Variants in CPPED1 observed in about 807,000 individuals in gnomAD.
CPPED1 encodes serine/threonine-protein phosphatase CPPED1.
CPPED1 carries 28 observed loss-of-function variants against 28.0 expected under a neutral mutation model. The ratio of observed to expected loss-of-function variants is 1.00; its 90% confidence interval spans 0.74 to 1.37. CPPED1 has a LOEUF of 1.37. Among genes scored for constraint, CPPED1 ranks in the 40% most tolerant of loss-of-function variants. The pLI, the probability that CPPED1 is intolerant of heterozygous loss-of-function variation, is 0.00. For synonymous variants in CPPED1, 198 were observed against 180.2 expected (o/e 1.10, Z -0.79); for missense variants, 504 against 416.5 (o/e 1.21, Z -1.83).
intron 2 of CPPED1, among the ~76,000 whole-genome samples, chr16:12,722,597 G>A (rs899186484): frequency 1.3e-5 from 2 of 152,174 alleles, no homozygotes; most frequent in Admixed American, 6.5e-5. Context: ...TTAGTTAGGT[G>A]TGGTGGTGTG....
chr16:12,787,405 C>CTTTTT (rs57802112), intron 1 of CPPED1, among the ~76,000 whole-genome samples: 6 of 140,864 alleles, frequency 4.3e-5, no homozygotes, highest in Admixed American at 7.1e-5. Context: ...ATTTTTCTTT[C>CTTTTT]TTTTTTTTTT....
intron 3 of CPPED1, among the ~76,000 whole-genome samples, chr16:12,684,157 G>A (rs138728651): frequency 6.6e-6 from 1 of 152,296 alleles, no homozygotes; most frequent in African/African-American, 2.4e-5. Flanking sequence ...AACAAAACCT[G>A]CTCTGTTAGG....
intron 2 of CPPED1, among the ~76,000 whole-genome samples, chr16:12,778,282 T>TTA (rs1567304222): frequency 6.8e-6 from 1 of 146,818 alleles, no homozygotes; most frequent in African/African-American, 2.5e-5. Context: ...TCTTTCTTTT[T>TTA]TTTTTTTTTT....
rs1255414814 is a variant in CPPED1 at position 12,660,345 on chromosome 16, A to AT, written c.*4540_*4541insA. On this transcript the variant is annotated 3_prime_UTR_variant, in exon 4 of 4. Transcript: ENST00000381774. ...TTTAATCGACTTCATTTACATAGAT[A>AT]AAGCCTAAAGGAAAAATCCAATCTG... The AT allele has an allele frequency of 1.3e-5, 2 of 152,232 alleles. No homozygotes were observed. The highest frequency in any genetic ancestry group is 2.9e-5 in the Non-Finnish European group (2 of 68,040). 9.4% of individuals were successfully genotyped at this position (152,232 alleles called of 1,614,324 possible).
At chr16:12,683,088 C>G (rs1018649760) in intron 3 of CPPED1, among the ~76,000 whole-genome samples, 1 of 152,206 alleles carries the variant, frequency 6.6e-6, no homozygotes, top group African/African-American at 2.4e-5. Flanking sequence ...ATGAAATTTG[C>G]TAGGGAGAAA....
At chr16:12,719,496 G>A (rs952834040) in intron 2 of CPPED1, among the ~76,000 whole-genome samples, 3 of 152,062 alleles carry the variant, frequency 2.0e-5, no homozygotes, top group Admixed American at 2.0e-4. Flanking sequence ...AATATGCCTA[G>A]AAATGTCTCT....
intron 2 of CPPED1, among the ~76,000 whole-genome samples, chr16:12,731,117 G>T (rs964977715): frequency 6.6e-6 from 1 of 151,440 alleles, no homozygotes; most frequent in African/African-American, 2.4e-5. Context: ...AGACCAGCCT[G>T]GGCAACATAT....
chr16:12,688,501 G>C (rs2079945323), intron 3 of CPPED1, among the ~76,000 whole-genome samples: 1 of 151,988 alleles, frequency 6.6e-6, no homozygotes, highest in South Asian at 2.1e-4. Flanking sequence ...ACCACACCTG[G>C]CTAACTTTTG....
intron 2 of CPPED1, among the ~76,000 whole-genome samples, chr16:12,769,976 GCC>G (rs2080460584): frequency 2.6e-5 from 4 of 152,108 alleles, no homozygotes; most frequent in Admixed American, 2.0e-4. Context: ...ATTTAACTGA[GCC>G]TCTTTAAAAA....
At chr16:12,685,059 G>A (rs763291216) in intron 3 of CPPED1, among the ~76,000 whole-genome samples, 3 of 152,304 alleles carry the variant, frequency 2.0e-5, no homozygotes, top group South Asian at 4.1e-4. Context: ...ACAGTGGAAC[G>A]AGCACCGACT....
chr16:12,803,843 A>G lies in CPPED1; in HGVS notation c.-67T>C. 1 of 1,461,712 alleles carries G rather than the reference A, an allele frequency of 6.8e-7. No homozygotes were observed. Among genetic ancestry groups the G allele is most frequent in the Non-Finnish European group, 9.3e-7 (1 of 1,077,006 alleles). 90.5% of individuals were successfully genotyped at this position (1,461,712 alleles called of 1,614,324 possible). A position where few individuals can be genotyped will look rare whatever the true frequency, so the allele number is the denominator to read the frequency against. On this transcript the variant is annotated 5_prime_UTR_variant, in exon 1 of 4. Transcript: ENST00000381774. ...TGGAAGCCGCGCGACTTCACACAGA[A>G]CAACCGCTGGACCTGTCCCGCTTTG... is the stretch of plus-strand genomic sequence containing the variant.
rs555443416 is a variant in CPPED1 at position 12,673,283 on chromosome 16, C to G, written c.716-8168G>C. On this transcript the variant is annotated intron_variant, in intron 3 of 3. Coordinates refer to ENST00000381774, the MANE Select transcript of CPPED1 (RefSeq NM_018340.3). ...CTGGGGTTTCACAGCCAGTCTGTAG[C>G]TCAAATGGGACCGCGTAAGATCAGC... Among the ~76,000 whole-genome samples the G allele has an allele frequency of 2.0e-5, 3 of 152,294 alleles. No individual in the cohort carries two copies. The South Asian group carries it at 6.2e-4, about 32-fold the overall frequency.
chr16:12,693,574 C>G (rs2079974661), intron 3 of CPPED1, among the ~76,000 whole-genome samples: 1 of 152,110 alleles, frequency 6.6e-6, no homozygotes, highest in Non-Finnish European at 1.5e-5. Context: ...GCAATGAAAT[C>G]AAAGCATTTT....
intron 2 of CPPED1, among the ~76,000 whole-genome samples, chr16:12,710,885 G>T (rs1320254355): frequency 6.6e-6 from 1 of 152,202 alleles, no homozygotes; most frequent in Non-Finnish European, 1.5e-5. Flanking sequence ...GTGCATTGTT[G>T]ATGGGAATGA....
chr16:12,699,046 A>T (rs1596450862), intron 3 of CPPED1, among the ~76,000 whole-genome samples: 1 of 152,218 alleles, frequency 6.6e-6, no homozygotes, highest in African/African-American at 2.4e-5. Flanking sequence ...TCAATATTAA[A>T]TGGGTCATAT....
At chr16:12,800,463 G>C (rs569040767) in intron 1 of CPPED1, among the ~76,000 whole-genome samples, 2 of 151,986 alleles carry the variant, frequency 1.3e-5, no homozygotes, top group Admixed American at 6.6e-5. Flanking sequence ...AACCATGGGG[G>C]ACTACAGAAA....
intron 1 of CPPED1, among the ~76,000 whole-genome samples, chr16:12,783,144 G>A (rs1389394927): frequency 6.6e-6 from 1 of 152,186 alleles, no homozygotes; most frequent in Non-Finnish European, 1.5e-5. Context: ...AAGTAAACAA[G>A]CAGGGAATAG....
rs181644499 is a variant in CPPED1, at chr16:12,789,867, T to A, written c.71-8464A>T. ...TCTAAATCGAATTATAAAATTAACT[T>A]TGAAACACTTTTAAATGAAAAATTG... On this transcript the variant is annotated intron_variant, in intron 1 of 3. Transcript: ENST00000381774. Among the ~76,000 whole-genome samples, 226 of 152,264 alleles carry A rather than the reference T, an allele frequency of 1.5e-3. 1 individual carries two copies. Among genetic ancestry groups the A allele is most frequent in the African/African-American group, 5.1e-3 (211 of 41,556 alleles).
rs2079785905 is a variant in CPPED1 at position 12,660,142 on chromosome 16, G to A, written c.*4744C>T. ...ACACAGAGCCAAACCATATCAAGCA[G>A]GAAGGCCACTTTCAGGGGTGAGCGT... On this transcript the variant is annotated 3_prime_UTR_variant, in exon 4 of 4. Transcript: ENST00000381774. 1.3e-5 allele frequency: 2 copies of A among 152,162 alleles called. No homozygotes were observed. The highest frequency in any genetic ancestry group is 2.1e-4 in the South Asian group (1 of 4,826). 9.4% of individuals were successfully genotyped at this position (152,162 alleles called of 1,614,324 possible).
Sources: allele counts gnomAD v4.1 joint callset (sites outside exome capture counted in the v4.1 genomes callset), GRCh38; gene constraint gnomAD v4.1.1; transcripts MANE v1.5; gene names NCBI Gene and HGNC (gene_info 2026-07-23, HGNC 2026-07-21).